MYOCD: variants seen among roughly 807,000 people sequenced by gnomAD.
MYOCD encodes the protein myocardin.
In MYOCD, 32 loss-of-function variants were observed where a neutral mutation model predicts 96.1. The ratio of observed to expected loss-of-function variants is 0.33; its 90% CI spans 0.25 to 0.45. MYOCD has a LOEUF of 0.45. Ranked by LOEUF, MYOCD falls within the 20% of genes least tolerant of loss-of-function variation. The pLI is 1.00. For synonymous variants in MYOCD, 469 were observed against 469.0 expected (o/e 1.00, Z 0.00); for missense variants, 1,133 against 1,200.6 (o/e 0.94, Z 0.83).
chr17:12,728,349 A>C (rs1014425596), intron 5 of MYOCD, among the ~76,000 whole-genome samples: 7 of 152,122 alleles, frequency 4.6e-5, no homozygotes, highest in African/African-American at 1.7e-4. Flanking sequence ...AACAGAACCC[A>C]GGCTGGCCTT....
chr17:12,747,849 A>G (rs569742305), intron 9 of MYOCD, among the ~76,000 whole-genome samples: 1 of 148,556 alleles, frequency 6.7e-6, no homozygotes, highest in South Asian at 2.2e-4. Context: ...GTATGTGGAT[A>G]ATTTTTTGGA....
intron 5 of MYOCD, among the ~76,000 whole-genome samples, chr17:12,727,565 T>C (rs376207698): frequency 2.9e-4 from 44 of 152,304 alleles, no homozygotes; most frequent in African/African-American, 1.0e-3. Flanking sequence ...TCCACGTGCC[T>C]TTCCAGATGT....
chr17:12,716,969 G>A (rs2031660524), intron 3 of MYOCD, among the ~76,000 whole-genome samples: 1 of 127,018 alleles, frequency 7.9e-6, no homozygotes, highest in African/African-American at 3.3e-5. Context: ...CAGCCTGGAT[G>A]ACAGAGATGC....
intron 1 of MYOCD, among the ~76,000 whole-genome samples, chr17:12,690,251 A>C (rs566646208): frequency 1.8e-4 from 27 of 152,214 alleles, no homozygotes; most frequent in Admixed American, 5.2e-4. Flanking sequence ...ATAGTAAAAA[A>C]ATCTAAGAAA....
intron 9 of MYOCD, 55 bp downstream of exon 9, chr17:12,746,127 T>A: frequency 6.3e-7 from 1 of 1,578,774 alleles, no homozygotes; most frequent in Non-Finnish European, 8.7e-7. Flanking sequence ...AACAGTATGT[T>A]GTTAACATCA....
chr17:12,682,960 A>G (rs916791244), intron 1 of MYOCD, among the ~76,000 whole-genome samples: 44 of 149,718 alleles, frequency 2.9e-4, no homozygotes, highest in African/African-American at 9.5e-4. Context: ...GCTTAAGCAA[A>G]AAGGAACACT....
At position 12,752,657 on chromosome 17, in the gene MYOCD, C is replaced by T; in HGVS notation, c.1369C>T (p.Pro457Ser). The change falls in exon 10 of 14, where the codon CCG becomes TCG. Residue 457 changes from proline to serine, a missense_variant. Pro to Ser is a moderately conservative substitution (Grantham distance 74). Coordinates refer to ENST00000425538, the MANE Select transcript of MYOCD (RefSeq NM_001146312.3). ...YHFGSTSSSP[P>S]ISPASSDLSV... ...CTTTGGCAGCACCAGCTCCAGCCCC[C>T]CGATCTCCCCAGCCTCCTCTGACCT... is the stretch of plus-strand genomic sequence containing the variant. 3.1e-6 allele frequency: 5 copies of T among 1,614,070 alleles called. No individual in the cohort carries two copies. Among genetic ancestry groups the T allele is most frequent in the Non-Finnish European group, 4.2e-6 (5 of 1,179,958 alleles).
At chr17:12,722,329 C>CT (rs2031862570) in intron 4 of MYOCD, among the ~76,000 whole-genome samples, 1 of 152,234 alleles carries the variant, frequency 6.6e-6, no homozygotes, top group African/African-American at 2.4e-5. Flanking sequence ...AAAAATCCCT[C>CT]TGTTTAATTA....
In MYOCD at chr17:12,745,733, C is replaced by G. The variant is rs191521560; in HGVS notation, c.972-186C>G. ...TGCCACTCCCTCTTATCTCCCTAAA[C>G]AAAGTTCAGATGTCACGCACCGCTT... On this transcript the variant is annotated intron_variant, in intron 8 of 13. Coordinates refer to ENST00000425538, the MANE Select transcript of MYOCD (RefSeq NM_001146312.3). Among the ~76,000 whole-genome samples the G allele has an allele frequency of 4.6e-5, 7 of 152,264 alleles. No homozygotes were observed. The East Asian group carries it at 1.4e-3, about 29-fold the overall frequency.
rs143223737 is a variant in MYOCD at position 12,752,671 on chromosome 17, C to A, written c.1383C>A (p.Ala461=). ...GCTCCAGCCCCCCGATCTCCCCAGCCTCCTCTGACCTGTCAGTCGCTGGGT... is the reference window on the plus strand; with the variant it reads ...GCTCCAGCCCCCCGATCTCCCCAGCATCCTCTGACCTGTCAGTCGCTGGGT... The part of the protein sequence containing the change: ...STSSSPPISP[A]SSDLSVAGSL... The change falls in exon 10 of 14, where the codon GCC becomes GCA. Residue 461 remains alanine (A), a synonymous_variant. Coordinates refer to ENST00000425538, the MANE Select transcript of MYOCD (RefSeq NM_001146312.3). 6.2e-7 allele frequency: 1 copy of A among 1,614,170 alleles called. No individual in the cohort carries two copies.
At chr17:12,682,947 C>T (rs1910565969) in intron 1 of MYOCD, among the ~76,000 whole-genome samples, 1 of 151,620 alleles carries the variant, frequency 6.6e-6, no homozygotes, top group South Asian at 2.1e-4. Flanking sequence ...AAACCCTGAA[C>T]AAGCTTAAGC....
At chr17:12,739,458 T>C (rs1036271926) in intron 7 of MYOCD, 130 bp downstream of exon 7, 18 of 1,061,488 alleles carry the variant, frequency 1.7e-5, no homozygotes, top group Non-Finnish European at 2.1e-5. Flanking sequence ...GAGGTTCAGC[T>C]CACTAGGAGG....
chr17:12,690,583 T>C (rs1240032508), intron 1 of MYOCD, among the ~76,000 whole-genome samples: 1 of 152,060 alleles, frequency 6.6e-6, no homozygotes, highest in Non-Finnish European at 1.5e-5. Flanking sequence ...AGGCACAAAA[T>C]AGTATAAAAA....
intron 1 of MYOCD, among the ~76,000 whole-genome samples, chr17:12,677,853 T>C (rs1011734552): frequency 3.9e-5 from 6 of 152,116 alleles, no homozygotes; most frequent in Admixed American, 3.3e-4. Context: ...TGAATTTCTC[T>C]TAAGATTCAC....
intron 3 of MYOCD, among the ~76,000 whole-genome samples, chr17:12,716,643 G>A (rs1246979741): frequency 6.6e-6 from 1 of 152,046 alleles, no homozygotes; most frequent in African/African-American, 2.4e-5. Context: ...ATGGATTTAG[G>A]CAATGTTTTA....
intron 1 of MYOCD, among the ~76,000 whole-genome samples, chr17:12,692,111 T>C (rs931381847): frequency 6.6e-6 from 1 of 152,234 alleles, no homozygotes. Flanking sequence ...TTTTGTGCCT[T>C]TTCCATCTCA....
intron 5 of MYOCD, among the ~76,000 whole-genome samples, chr17:12,732,818 T>C (rs918617742): frequency 2.6e-5 from 4 of 152,184 alleles, no homozygotes; most frequent in African/African-American, 9.7e-5. Context: ...GCTGATTCAC[T>C]GGTAGTAACT....
At chr17:12,757,560 G>A (rs1433321036) in intron 11 of MYOCD, among the ~76,000 whole-genome samples, 1 of 152,010 alleles carries the variant, frequency 6.6e-6, no homozygotes, top group Non-Finnish European at 1.5e-5. Context: ...GCAGTGGCGC[G>A]ATCTCGGCTC....
intron 3 of MYOCD, 26 bp downstream of exon 3, chr17:12,715,600 A>G: frequency 6.3e-7 from 1 of 1,580,788 alleles, no homozygotes; most frequent in Non-Finnish European, 8.7e-7. Context: ...TTCTTGACCC[A>G]AGCTTAGACT....
Sources: allele counts gnomAD v4.1 joint callset (sites outside exome capture counted in the v4.1 genomes callset), GRCh38; gene constraint gnomAD v4.1.1; transcripts MANE v1.5; gene names NCBI Gene and HGNC (gene_info 2026-07-23, HGNC 2026-07-21).